Variants in ERAP1 observed in about 807,000 individuals in gnomAD.
ERAP1 encodes the protein endoplasmic reticulum aminopeptidase 1.
Under a neutral mutation model 103.7 loss-of-function variants are expected in ERAP1, and 86 were observed. That is an observed-to-expected ratio of 0.83 (90% CI 0.70 to 0.99). The LOEUF is 0.99. ERAP1 is among the 50% of genes least tolerant of loss of function. The probability of loss-of-function intolerance (pLI) is 0.00; values close to 1 mark genes in which losing one functional copy is unlikely to be tolerated. For missense variants in ERAP1, 1,009 were observed against 1,128.4 expected, an observed-to-expected ratio of 0.89 and a Z score of 1.52; for synonymous variants, 398 against 402.4, an observed-to-expected ratio of 0.99 and a Z score of 0.13.
chr5:96,856,349 A>AATATATATATATATATATATAT, the ERAP1 span, among the ~76,000 whole-genome samples: 14 of 8,530 alleles, frequency 1.6e-3, no homozygotes, highest in East Asian at 4.9e-3. Context: ...AAAAAAAAAA[A>AATATATATATATATATATATAT]ATATATATAT....
the ERAP1 span, among the ~76,000 whole-genome samples, chr5:96,887,797 A>T: frequency 6.6e-6 from 1 of 152,246 alleles, no homozygotes; most frequent in South Asian, 2.1e-4. Flanking sequence ...TAGACTTAAA[A>T]ACATTTTTAA....
At chr5:96,841,783 A>G in the ERAP1 span, among the ~76,000 whole-genome samples, 14 of 31,742 alleles carry the variant, frequency 4.4e-4, no homozygotes, top group Non-Finnish European at 8.4e-4. Context: ...TACTCATTTT[A>G]CTCTTAAAAT....
At chr5:96,763,452 G>C (rs929731732) in intron 19 of ERAP1, among the ~76,000 whole-genome samples, 1 of 152,168 alleles carries the variant, frequency 6.6e-6, no homozygotes, top group Non-Finnish European at 1.5e-5. Context: ...CTAGGCTGCC[G>C]TTTACACTTC....
the ERAP1 span, among the ~76,000 whole-genome samples, chr5:96,847,613 A>G: frequency 6.6e-6 from 1 of 152,204 alleles, no homozygotes; most frequent in African/African-American, 2.4e-5. Context: ...TAGAACTCAT[A>G]TTGAGTATCT....
chr5:96,778,543 C>T (rs1466682926), intron 18 of ERAP1, among the ~76,000 whole-genome samples: 2 of 152,208 alleles, frequency 1.3e-5, no homozygotes, highest in East Asian at 1.9e-4. Context: ...AAGCCAGGAG[C>T]GCCTGTGGGA....
At chr5:96,794,624 G>GT (rs1233673418) in intron 5 of ERAP1, among the ~76,000 whole-genome samples, 1 of 152,140 alleles carries the variant, frequency 6.6e-6, no homozygotes, top group East Asian at 1.9e-4. Flanking sequence ...ACATACAATA[G>GT]TTTTAAGGGC....
intron 19 of ERAP1, chr5:96,765,903 T>C (rs932566533): frequency 1.7e-5 from 9 of 526,778 alleles, no homozygotes; most frequent in African/African-American, 7.8e-5. Flanking sequence ...GTTGAAGTCA[T>C]CTGTGTTGTT....
chr5:96,768,092 GGTCT>G, intron 19 of ERAP1: 1 of 856,370 alleles, frequency 1.2e-6, no homozygotes, highest in Non-Finnish European at 2.0e-6. Context: ...TCTATCTATC[GGTCT>G]GTCTTGTAAC....
upstream of ERAP1, chr5:96,808,262 T>TGTGTGTGTGTGTGTGTGTG: frequency 1.4e-6 from 1 of 700,904 alleles, no homozygotes; most frequent in East Asian, 2.2e-4. Flanking sequence ...GTGTGTGTGT[T>TGTGTGTGTGTGTGTGTGTG]GAGATGCTTT....
At chr5:96,774,420 C>T, downstream of ERAP1, 1 of 703,858 alleles carries the variant, frequency 1.4e-6, no homozygotes, top group African/African-American at 1.9e-5. Context: ...GAGTAAGCTA[C>T]AGGATCTAAA....
At chr5:96,880,117 T>C in the ERAP1 span, 3 of 1,614,158 alleles carry the variant, frequency 1.9e-6, no homozygotes, top group Non-Finnish European at 2.5e-6. Flanking sequence ...GTTACCCTGC[T>C]CATGAACAAA....
At chr5:96,816,542 GTCCTTAATTTGACCCAGCTCACT>G in the ERAP1 span, among the ~76,000 whole-genome samples, 1 of 152,184 alleles carries the variant, frequency 6.6e-6, no homozygotes, top group Non-Finnish European at 1.5e-5. Context: ...CAACCTAAAT[GTCCTTAATTTGACCCAGCTCACT>G]ATAATGCCAT....
At chr5:96,877,286 T>C in the ERAP1 span, among the ~76,000 whole-genome samples, 1 of 152,222 alleles carries the variant, frequency 6.6e-6, no homozygotes, top group Non-Finnish European at 1.5e-5. Flanking sequence ...TGTTTCTTTA[T>C]CTGAACACTA....
At chr5:96,928,618 C>G in the ERAP1 span, among the ~76,000 whole-genome samples, 1 of 152,118 alleles carries the variant, frequency 6.6e-6, no homozygotes, top group South Asian at 2.1e-4. Context: ...TTCTATCTTC[C>G]AGAACTATGA....
the ERAP1 span, among the ~76,000 whole-genome samples, chr5:96,906,708 T>A: frequency 1.1e-4 from 17 of 152,094 alleles, no homozygotes; most frequent in African/African-American, 2.7e-4. Flanking sequence ...GAAAAAGCTA[T>A]ATTTGTTTCT....
the ERAP1 span, among the ~76,000 whole-genome samples, chr5:96,891,357 GTA>G: frequency 9.4e-6 from 1 of 106,296 alleles, no homozygotes; most frequent in Non-Finnish European, 2.0e-5. Flanking sequence ...ATATGTGTGT[GTA>G]TATATATATG....
chr5:96,766,129 T>C (rs1036732586), intron 19 of ERAP1: 3 of 1,600,802 alleles, frequency 1.9e-6, no homozygotes, highest in Non-Finnish European at 2.6e-6. Flanking sequence ...AGACATCTCC[T>C]GGATGATAAT....
the ERAP1 span, chr5:96,823,093 A>G: frequency 2.2e-6 from 1 of 456,276 alleles, no homozygotes; most frequent in East Asian, 6.9e-5. Flanking sequence ...GTTCTTTACC[A>G]TGTGGGATCC....
At chr5:96,861,780 C>G in the ERAP1 span, among the ~76,000 whole-genome samples, 1 of 152,158 alleles carries the variant, frequency 6.6e-6, no homozygotes. Context: ...CATTTGAACC[C>G]AGGACATTTA....
Sources: allele counts gnomAD v4.1 joint callset (sites outside exome capture counted in the v4.1 genomes callset), GRCh38; gene constraint gnomAD v4.1.1; transcripts MANE v1.5; gene names NCBI Gene and HGNC (gene_info 2026-07-23, HGNC 2026-07-21).